The following SCAI variants were observed in gnomAD, a reference collection of about 807,000 sequenced individuals.
SCAI encodes protein SCAI.
In SCAI, 24 loss-of-function variants were observed where a neutral mutation model predicts 92.2. The observed-to-expected ratio is 0.26, with a 90% CI of 0.19 to 0.37. SCAI has a LOEUF of 0.37. Ranked by LOEUF, SCAI falls within the 10% of genes least tolerant of loss-of-function variation. The pLI, the probability that SCAI is intolerant of heterozygous loss-of-function variation, is 1.00. For synonymous variants in SCAI, 261 were observed against 258.6 expected (o/e 1.01, Z -0.09); for missense variants, 450 against 736.2 (o/e 0.61, Z 4.50).
chr9:125,109,689 C>CTATCTATCTATG lies in SCAI; in HGVS notation c.98+32943_98+32944insCATAGATAGATA, dbSNP rs573722446. Among the ~76,000 whole-genome samples the CTATCTATCTATG allele has an allele frequency of 9.1e-3, 1,355 of 148,592 alleles. 24 individuals are homozygous for CTATCTATCTATG. The highest frequency in any genetic ancestry group is 0.032 in the African/African-American group (1,319 of 40,984). ...TCTATCTATCTATCTATCTATCTAT[C>CTATCTATCTATG]TATGTATTTATTTTTGAGGCACAGT... On this transcript the variant is annotated intron_variant, in intron 2 of 17. Coordinates refer to ENST00000336505, the MANE Select transcript of SCAI (RefSeq NM_001144877.3).
At chr9:125,097,147 A>G (rs1386874096) in intron 2 of SCAI, among the ~76,000 whole-genome samples, 1 of 152,192 alleles carries the variant, frequency 6.6e-6, no homozygotes, top group Non-Finnish European at 1.5e-5. Context: ...AAAGTTAAAA[A>G]ATTAGCTGGG....
intron 12 of SCAI, 34 bp from the exon 13 acceptor site, chr9:125,000,024 G>A (rs1160024489): frequency 8.1e-6 from 8 of 985,080 alleles, no homozygotes; most frequent in African/African-American, 6.6e-5. Flanking sequence ...CTAGACTTCA[G>A]TTGAAGACTA....
chr9:124,959,041 A>G (rs185406752), intron 17 of SCAI, among the ~76,000 whole-genome samples: 1 of 152,146 alleles, frequency 6.6e-6, no homozygotes, highest in East Asian at 1.9e-4. Context: ...TTTGCATTGA[A>G]CTAAACTTTT....
chr9:125,131,127 T>G (rs1835391094), intron 2 of SCAI, among the ~76,000 whole-genome samples: 1 of 151,648 alleles, frequency 6.6e-6, no homozygotes, highest in Non-Finnish European at 1.5e-5. Context: ...TTATTAGCAC[T>G]GGGCGCAGTG....
At chr9:125,065,987 T>C (rs1319306701) in intron 2 of SCAI, 6 of 767,848 alleles carry the variant, frequency 7.8e-6, no homozygotes, top group Admixed American at 1.8e-5. Context: ...GCAAAAATCA[T>C]ACTTTTCAGT....
At chr9:125,020,848 TAA>T (rs1832857358) in intron 6 of SCAI, 79 bp from the exon 7 acceptor site, 2 of 614,596 alleles carry the variant, frequency 3.3e-6, no homozygotes. Flanking sequence ...TGATAGCTTT[TAA>T]AACTCTTTCC....
chr9:125,047,367 G>A (rs1833465040), intron 3 of SCAI, among the ~76,000 whole-genome samples: 1 of 152,142 alleles, frequency 6.6e-6, no homozygotes, highest in Non-Finnish European at 1.5e-5. Flanking sequence ...CCTTGATCTT[G>A]GACTTCCGGC....
intron 3 of SCAI, among the ~76,000 whole-genome samples, chr9:125,054,726 C>T (rs1318987018): frequency 6.6e-6 from 1 of 152,122 alleles, no homozygotes. Flanking sequence ...CAAACATCTC[C>T]TCTGCAGCAT....
intron 2 of SCAI, among the ~76,000 whole-genome samples, chr9:125,109,992 G>A (rs761066743): frequency 1.5e-4 from 23 of 152,018 alleles, no homozygotes; most frequent in Non-Finnish European, 3.1e-4. Flanking sequence ...CTGGCCCCAA[G>A]CATGCTTTAA....
chr9:125,111,145 A>ATAAC (rs142459193), intron 2 of SCAI, among the ~76,000 whole-genome samples: 1,911 of 152,300 alleles, frequency 0.013, 40 homozygotes, highest in African/African-American at 0.044. Flanking sequence ...ATTCAGCAAT[A>ATAAC]TGTTAAAAAA....
At chr9:125,106,722 CTTTTTT>C (rs34740170) in intron 2 of SCAI, among the ~76,000 whole-genome samples, 4 of 113,356 alleles carry the variant, frequency 3.5e-5, no homozygotes, top group Non-Finnish European at 7.3e-5. Flanking sequence ...TTTTCTTTTC[CTTTTTT>C]TTTTTTTTTT....
In SCAI at chr9:124,949,890, C is replaced by A. The variant is rs906914694; in HGVS notation, c.*2917G>T. The A allele has an allele frequency of 4.6e-5, 7 of 152,030 alleles. No homozygotes were observed. The highest frequency in any genetic ancestry group is 7.4e-5 in the Non-Finnish European group (5 of 67,988). 9.4% of individuals were successfully genotyped at this position (152,030 alleles called of 1,614,324 possible). ...CATTTTTTTGAAGGCATCAATGAAA[C>A]AATAACATTTTCCAGCACAGTTTTC... On this transcript the variant is annotated 3_prime_UTR_variant, in exon 18 of 18. Transcript: ENST00000336505. This position sits in a 1 kb window ranked among gnomAD's most constrained non-coding sequence, Gnocchi z 4.0.
chr9:124,962,308 C>T (rs1057121234), intron 17 of SCAI, among the ~76,000 whole-genome samples: 6 of 151,810 alleles, frequency 4.0e-5, no homozygotes, highest in African/African-American at 1.2e-4. Context: ...TACAGGCTCA[C>T]GCCACGACGC....
At chr9:125,120,854 C>CAGTGTCACT (rs1320126770) in intron 2 of SCAI, among the ~76,000 whole-genome samples, 3 of 151,876 alleles carry the variant, frequency 2.0e-5, no homozygotes, top group Non-Finnish European at 2.9e-5. Context: ...TGCACTCCAG[C>CAGTGTCACT]CTGAGTGACA....
chr9:124,981,197 G>T (rs185781592), intron 14 of SCAI, among the ~76,000 whole-genome samples: 36 of 152,216 alleles, frequency 2.4e-4, no homozygotes, highest in Non-Finnish European at 5.0e-4. Flanking sequence ...ATTGAATTTT[G>T]TATGTTTGTC....
intron 2 of SCAI, among the ~76,000 whole-genome samples, chr9:125,072,117 A>G (rs1013282050): frequency 1.3e-5 from 2 of 151,020 alleles, no homozygotes; most frequent in Admixed American, 1.3e-4. Context: ...TCTGCCTCCC[A>G]GGTTCAAGCG....
At chr9:125,036,890 G>A (rs1051352721) in intron 3 of SCAI, among the ~76,000 whole-genome samples, 2 of 152,242 alleles carry the variant, frequency 1.3e-5, no homozygotes, top group African/African-American at 4.8e-5. Context: ...GGAGGCTAAG[G>A]CGGGAAGAGC....
chr9:125,072,476 T>C (rs1343876582), intron 2 of SCAI, among the ~76,000 whole-genome samples: 2 of 151,954 alleles, frequency 1.3e-5, no homozygotes, highest in African/African-American at 4.8e-5. Flanking sequence ...AATTGAAAAA[T>C]GTAGAAAATA....
chr9:124,960,427 A>G (rs1222369677), intron 17 of SCAI, among the ~76,000 whole-genome samples: 1 of 152,198 alleles, frequency 6.6e-6, no homozygotes, highest in Non-Finnish European at 1.5e-5. Flanking sequence ...ACTGCCATGT[A>G]TTCATCAGGA....
Sources: allele counts gnomAD v4.1 joint callset (sites outside exome capture counted in the v4.1 genomes callset), GRCh38; gene constraint gnomAD v4.1.1; non-coding constraint Gnocchi (gnomAD v3.1); transcripts MANE v1.5; gene names NCBI Gene and HGNC (gene_info 2026-07-23, HGNC 2026-07-21).